Variants in MFAP3L observed in about 807,000 individuals in gnomAD.
MFAP3L encodes the protein microfibrillar-associated protein 3-like.
Under a neutral mutation model 20.0 loss-of-function variants are expected in MFAP3L, and 5 were observed. The observed-to-expected ratio is 0.25, with a 90% confidence interval of 0.13 to 0.53. The LOEUF (loss-of-function observed/expected upper bound fraction) is 0.53. Among genes scored for constraint, MFAP3L ranks in the 20% least tolerant of loss-of-function variants. The pLI is 0.96. For missense variants in MFAP3L, 409 were observed against 527.5 expected, an observed-to-expected ratio of 0.78 and a Z score of 2.20; for synonymous variants, 219 against 213.0, an observed-to-expected ratio of 1.03 and a Z score of -0.25.
At chr4:170,025,831 T>G (rs574778289) in intron 1 of MFAP3L, among the ~76,000 whole-genome samples, 48 of 152,226 alleles carry the variant, frequency 3.2e-4, no homozygotes, top group African/African-American at 1.1e-3. Flanking sequence ...CGCTCCTCCC[T>G]GTCCGGGTAA....
intron 1 of MFAP3L, among the ~76,000 whole-genome samples, chr4:170,018,321 C>G (rs1411809065): frequency 1.3e-5 from 2 of 152,172 alleles, no homozygotes; most frequent in Non-Finnish European, 2.9e-5. Flanking sequence ...TTTTTGCAAG[C>G]ATCATGCAGT....
intron 1 of MFAP3L, among the ~76,000 whole-genome samples, chr4:170,024,052 GAA>G (rs1560994677): frequency 1.3e-5 from 2 of 152,156 alleles, no homozygotes. Flanking sequence ...TGAGCTGCAA[GAA>G]CCCAATAGTT....
In MFAP3L at chr4:169,988,760, T is replaced by C. The variant is rs112417190; in HGVS notation, c.*2618A>G. ...AGTCAACCTCCCTTTATGTCAGTTGTTATCAAAACCGAGAGCATTATGATG... is the reference window on the plus strand; with the variant it reads ...AGTCAACCTCCCTTTATGTCAGTTGCTATCAAAACCGAGAGCATTATGATG... On this transcript the variant is annotated 3_prime_UTR_variant, in exon 3 of 3. Coordinates refer to ENST00000361618, the MANE Select transcript of MFAP3L (RefSeq NM_021647.8). 7.7e-4 allele frequency: 117 copies of C among 152,312 alleles called. No homozygotes were observed. The highest frequency in any genetic ancestry group is 2.4e-3 in the African/African-American group (101 of 41,564). 9.4% of individuals were successfully genotyped at this position (152,312 alleles called of 1,614,324 possible). A position where few individuals can be genotyped will look rare whatever the true frequency, so the allele number is the denominator to read the frequency against.
chr4:170,012,607 CCA>C (rs973529059), intron 1 of MFAP3L, among the ~76,000 whole-genome samples: 104 of 152,246 alleles, frequency 6.8e-4, no homozygotes, highest in African/African-American at 2.3e-3. Context: ...TGATGACAAA[CCA>C]CAGTCATGAC....
intron 1 of MFAP3L, among the ~76,000 whole-genome samples, chr4:170,008,433 T>C (rs1008474750): frequency 6.6e-6 from 1 of 152,220 alleles, no homozygotes; most frequent in Non-Finnish European, 1.5e-5. Context: ...TTCAGATTTT[T>C]CAAAAGGTAT....
chr4:170,002,701 G>C (rs929814375), intron 2 of MFAP3L, among the ~76,000 whole-genome samples: 14 of 151,714 alleles, frequency 9.2e-5, no homozygotes, highest in Non-Finnish European at 5.9e-5. Context: ...GCAGAGACAG[G>C]GTTTCACCAT....
intron 1 of MFAP3L, among the ~76,000 whole-genome samples, chr4:170,010,203 T>C (rs901108976): frequency 6.6e-6 from 1 of 152,228 alleles, no homozygotes; most frequent in Non-Finnish European, 1.5e-5. Context: ...ATTTCAGTTA[T>C]GAATATGTTT....
chr4:169,994,620 G>T, intron 2 of MFAP3L: 1 of 884,022 alleles, frequency 1.1e-6, no homozygotes, highest in Non-Finnish European at 1.4e-6. Flanking sequence ...CAACCAAGCA[G>T]TTCAATTTAG....
chr4:170,020,090 C>T (rs930843499), intron 1 of MFAP3L, among the ~76,000 whole-genome samples: 1 of 152,150 alleles, frequency 6.6e-6, no homozygotes, highest in Non-Finnish European at 1.5e-5. Flanking sequence ...TGCAGCTCCT[C>T]CCTGGCCTGA....
intron 1 of MFAP3L, 42 bp downstream of exon 1, chr4:170,026,191 AC>A: frequency 1.0e-6 from 1 of 975,452 alleles, no homozygotes; most frequent in Non-Finnish European, 1.2e-6. Flanking sequence ...GCTGGCTCCC[AC>A]CCGTGCCCCT....
upstream of MFAP3L, chr4:170,026,410 G>A (rs1730427655): frequency 2.1e-6 from 1 of 472,476 alleles, no homozygotes. Flanking sequence ...GGAGCGCGGA[G>A]CTTCCCACCT....
intron 2 of MFAP3L, among the ~76,000 whole-genome samples, chr4:169,998,567 T>C (rs1005726038): frequency 6.6e-6 from 1 of 152,072 alleles, no homozygotes; most frequent in African/African-American, 2.4e-5. Flanking sequence ...CGTTAAAAAT[T>C]AACATTTTCA....
At chr4:170,003,506 C>G (rs984090620) in intron 2 of MFAP3L, among the ~76,000 whole-genome samples, 1 of 152,130 alleles carries the variant, frequency 6.6e-6, no homozygotes, top group Admixed American at 6.5e-5. Flanking sequence ...GCTAAGATAC[C>G]ACATATGTAT....
In MFAP3L at chr4:170,006,022, A is replaced by G. The variant is rs1238489590; in HGVS notation, c.-133-12T>C. The G allele has an allele frequency of 2.1e-6, 3 of 1,431,222 alleles. No homozygotes were observed. The highest frequency in any genetic ancestry group is 2.7e-6 in the Non-Finnish European group (3 of 1,095,454). The allele number at this position is 1,431,222 out of a possible 1,614,324, so 88.7% of individuals were successfully genotyped here. A position where few individuals can be genotyped will look rare whatever the true frequency, so the allele number is the denominator to read the frequency against. On this transcript the variant is annotated splice_polypyrimidine_tract_variant and intron_variant, in intron 1 of 2. Transcript: ENST00000361618. ...ACTTGAGCAAGAACCTGTTTTTAAG[A>G]AAACAAAAATATATACACATAAACA... is the stretch of plus-strand genomic sequence containing the variant.
At chr4:170,020,028 T>C (rs552791915) in intron 1 of MFAP3L, among the ~76,000 whole-genome samples, 3 of 152,350 alleles carry the variant, frequency 2.0e-5, no homozygotes, top group Admixed American at 1.3e-4. Context: ...GTCTGTGCCC[T>C]GTGATAAGGT....
intron 1 of MFAP3L, chr4:170,006,811 C>T (rs1235207786): frequency 6.6e-6 from 1 of 152,232 alleles, no homozygotes; most frequent in Non-Finnish European, 1.5e-5. Context: ...TTCCAGAATG[C>T]TCCTTACTGT....
At chr4:170,025,859 A>C (rs112853886) in intron 1 of MFAP3L, among the ~76,000 whole-genome samples, 329 of 152,252 alleles carry the variant, frequency 2.2e-3, no homozygotes, top group Admixed American at 3.1e-3. Flanking sequence ...CACAGCGATG[A>C]GAGAGATCCA....
In MFAP3L at chr4:169,991,891, C is replaced by G. The variant is rs778680999; in HGVS notation, c.717G>C (p.Arg239Ser). The G allele has an allele frequency of 6.2e-7, 1 of 1,614,116 alleles. No homozygotes were observed. The highest frequency in any genetic ancestry group is 8.5e-7 in the Non-Finnish European group (1 of 1,180,022). The change falls in exon 3 of 3, where the codon AGG becomes AGC. Residue 239 changes from arginine (R) to serine (S), a missense_variant. This residue lies in a region of MFAP3L where 127 missense variants were observed against 218.1 expected (regional missense o/e 0.58). Transcript: ENST00000361618. This position sits in a 1 kb window ranked among gnomAD's most constrained non-coding sequence, Gnocchi z 4.9. ...EFARYIEELA[R>S]SVPLPPLIMN... is the part of the protein sequence containing the mutation. ...TAATGAGAGGCGGCAGAGGCACGCT[C>G]CTGGCAAGCTCTTCGATGTAGCGGG...
At position 169,991,757 on chromosome 4, in the gene MFAP3L, T is replaced by C. The variant is rs145684048; in HGVS notation, c.851A>G (p.Asp284Gly). The C allele has an allele frequency of 6.2e-7, 1 of 1,613,854 alleles. No homozygotes were observed. The highest frequency in any genetic ancestry group is 2.2e-5 in the East Asian group (1 of 44,848). ...TPEGQEAADR[D>G]EVYTIPNSLK... ...AGAGTTGGGGATTGTGTAGACCTCA[T>C]CCCTGTCTGCGGCCTCCTGGCCCTC... is the stretch of plus-strand genomic sequence containing the variant. The change falls in exon 3 of 3, where the codon GAT becomes GGT. Residue 284 changes from aspartate to glycine, a missense_variant. By Grantham distance (94) the Asp-to-Gly change is moderately conservative. This residue lies in a region of MFAP3L where 169 missense variants were observed against 178.2 expected (regional missense o/e 0.95). Coordinates refer to ENST00000361618, the MANE Select transcript of MFAP3L (RefSeq NM_021647.8). This position sits in a 1 kb window ranked among gnomAD's most constrained non-coding sequence, Gnocchi z 4.9.
Sources: gnomAD v4.1 joint callset for allele counts (sites outside exome capture counted in the v4.1 genomes callset) on GRCh38, gnomAD v4.1.1 for gene constraint, gnomAD v4.1.1 regional missense constraint, Gnocchi (gnomAD v3.1) non-coding constraint, MANE v1.5 for transcripts, NCBI Gene and HGNC (gene_info 2026-07-23, HGNC 2026-07-21) for gene names.